SCAP: variants seen among roughly 807,000 people sequenced by gnomAD.
SCAP encodes sterol regulatory element-binding protein cleavage-activating protein.
SCAP carries 65 observed loss-of-function variants against 123.6 expected under a neutral mutation model. The ratio of observed to expected loss-of-function variants is 0.53; its 90% CI spans 0.43 to 0.65. The LOEUF is 0.65. Ranked by LOEUF, SCAP falls within the 30% of genes least tolerant of loss-of-function variation. The pLI, the probability that SCAP is intolerant of heterozygous loss-of-function variation, is 0.00. For missense variants in SCAP, 1,398 were observed against 1,712.5 expected (o/e 0.82, Z 3.24); for synonymous variants, 740 against 726.3 (o/e 1.02, Z -0.30).
intron 5 of SCAP, 84 bp from the exon 6 acceptor site, chr3:47,427,346 G>C: frequency 6.5e-7 from 1 of 1,538,266 alleles, no homozygotes; most frequent in Non-Finnish European, 9.0e-7. Flanking sequence ...CCCCCACCCT[G>C]GGAAACAAAG....
chr3:47,432,146 G>A (rs946720216), intron 3 of SCAP, among the ~76,000 whole-genome samples: 19 of 151,644 alleles, frequency 1.3e-4, no homozygotes, highest in Admixed American at 1.1e-3. Flanking sequence ...GTGAAACCCC[G>A]TCTCTACTAA....
intron 7 of SCAP, 66 bp from the exon 8 acceptor site, chr3:47,425,677 G>C: frequency 6.4e-7 from 1 of 1,566,640 alleles, no homozygotes; most frequent in African/African-American, 1.4e-5. Context: ...GGGGCTCCCG[G>C]GAGTAGGTTG....
At chr3:47,448,022 A>C (rs944104474) in intron 1 of SCAP, among the ~76,000 whole-genome samples, 11 of 151,462 alleles carry the variant, frequency 7.3e-5, no homozygotes, top group South Asian at 2.1e-4. Context: ...AAAAAAAAAA[A>C]AAAAAAAAAA....
Position 47,425,587 on chromosome 3 carries a change from T to C in SCAP, c.935A>G (p.Lys312Arg), listed in dbSNP as rs777514900. The C allele has an allele frequency of 6.2e-7, 1 of 1,614,080 alleles. No individual in the cohort carries two copies. Among genetic ancestry groups the C allele is most frequent in the Non-Finnish European group, 8.5e-7 (1 of 1,180,030 alleles). ...STRKIDMVKS[K>R]WGLALAAVVT... ...CACGGCAGCCAGGGCCAGCCCCCAC[T>C]TGGACTTGACCATGTCGATCTTCCC... is the stretch of plus-strand genomic sequence containing the variant. Residue 312 changes from lysine (K) to arginine (R), a missense_variant, in exon 8 of 23, where the codon AAG becomes AGG. This residue lies in a region of SCAP where 319 missense variants were observed against 432.4 expected (regional missense o/e 0.74). Transcript: ENST00000265565.
chr3:47,443,233 TAC>T lies in SCAP; in HGVS notation c.-98-144_-98-143del, dbSNP rs60723433. 354 of 104,784 alleles carry T rather than the reference TAC, an allele frequency of 3.4e-3. 3 individuals are homozygous for T. Among genetic ancestry groups the T allele is most frequent in the African/African-American group, 0.017 (303 of 17,786 alleles). The allele number at this position is 104,784 out of a possible 1,614,324, so 6.5% of individuals were successfully genotyped here. On this transcript the variant is annotated intron_variant, in intron 1 of 22. Coordinates refer to ENST00000265565, the MANE Select transcript of SCAP (RefSeq NM_012235.4). ...AGGTCTAGTGACCTCAATCCCAAAA[TAC>T]ACACACACACACACACACACACACA...
intron 3 of SCAP, 53 bp downstream of exon 3, chr3:47,434,955 C>A (rs1559552309): frequency 6.8e-6 from 11 of 1,612,448 alleles, no homozygotes; most frequent in Non-Finnish European, 9.3e-6. Flanking sequence ...CCTGCCTCAG[C>A]CAGTCTCCAC....
At chr3:47,465,495 G>A (rs148821230) in intron 1 of SCAP, among the ~76,000 whole-genome samples, 169 of 152,220 alleles carry the variant, frequency 1.1e-3, no homozygotes, top group African/African-American at 3.1e-3. Context: ...GGCCAGGCAC[G>A]GTGGCCCATG....
intron 1 of SCAP, among the ~76,000 whole-genome samples, chr3:47,467,980 T>G (rs1423291941): frequency 1.3e-5 from 2 of 151,954 alleles, no homozygotes; most frequent in African/African-American, 4.8e-5. Flanking sequence ...TTTGGTTTTC[T>G]GTCCTTGCGA....
At chr3:47,450,444 CA>C (rs1707195388) in intron 1 of SCAP, among the ~76,000 whole-genome samples, 1 of 121,952 alleles carries the variant, frequency 8.2e-6, no homozygotes, top group African/African-American at 2.8e-5. Context: ...AAAAAGTGCA[CA>C]AAAGGAGAAT....
rs142353403 is a variant in SCAP at position 47,427,320 on chromosome 3, A to G, written c.632-58T>C. Reference sequence around the variant, plus strand: ...AAATGACAGCTACTGCAGAGCCACCAAGGACCCCTTTCTCACCCCCACCCT... The same window carrying G: ...AAATGACAGCTACTGCAGAGCCACCGAGGACCCCTTTCTCACCCCCACCCT... On this transcript the variant is annotated intron_variant, in intron 5 of 22. Transcript: ENST00000265565. The G allele has an allele frequency of 2.0e-4, 314 of 1,544,964 alleles. 2 individuals carry two copies. The South Asian group carries it at 2.2e-3, about 11-fold the overall frequency.
In SCAP at chr3:47,419,445, T is replaced by A; in HGVS notation, c.1823A>T (p.His608Leu). 1.2e-6 allele frequency: 2 copies of A among 1,613,958 alleles called. No individual in the cohort carries two copies. Among genetic ancestry groups the A allele is most frequent in the Non-Finnish European group, 1.7e-6 (2 of 1,180,000 alleles). ...PERGGPAEVV[H>L]DSPVPEVTWG... ...GGTTACCTCTGGGACTGGGCTGTCA[T>A]GGACAACCTCTGCTGGACCTCCACG... Residue 608 changes from histidine (H) to leucine (L), a missense_variant, in exon 13 of 23, where the codon CAT becomes CTT. Physicochemically the swap from His to Leu is moderately conservative, Grantham distance 99. This residue lies in a region of SCAP where 828 missense variants were observed against 882.5 expected (regional missense o/e 0.94). Transcript: ENST00000265565. The surrounding 1 kb of genome is among the most constrained non-coding windows in gnomAD (Gnocchi z 5.0).
At chr3:47,457,831 C>T (rs1486588123) in intron 1 of SCAP, among the ~76,000 whole-genome samples, 1 of 151,926 alleles carries the variant, frequency 6.6e-6, no homozygotes, top group African/African-American at 2.4e-5. Flanking sequence ...GGCATGAACC[C>T]GGGAGGCGGA....
intron 2 of SCAP, among the ~76,000 whole-genome samples, chr3:47,436,900 T>C (rs1247581485): frequency 6.6e-6 from 1 of 152,204 alleles, no homozygotes; most frequent in African/African-American, 2.4e-5. Flanking sequence ...TGTTAGAATC[T>C]CTATCACCAT....
chr3:47,427,391 A>C lies in SCAP; in HGVS notation c.631+56T>G, dbSNP rs1291007003. 5 of 1,581,508 alleles carry C rather than the reference A, an allele frequency of 3.2e-6. No individual in the cohort carries two copies. The African/African-American group carries it at 6.7e-5, about 21-fold the overall frequency. On this transcript the variant is annotated intron_variant, in intron 5 of 22. Coordinates refer to ENST00000265565, the MANE Select transcript of SCAP (RefSeq NM_012235.4). Reference sequence around the variant, plus strand: ...TGATCTGCCTAAGCACACATCAAAAAGACGGTGACCAATGGGCACCTTTAC... The same window carrying C: ...TGATCTGCCTAAGCACACATCAAAACGACGGTGACCAATGGGCACCTTTAC...
Position 47,418,725 on chromosome 3 carries a change from C to G in SCAP, c.2059G>C (p.Ala687Pro). ...SAWPPPGPIP[A>P]GHWEAGPKGP... Reference sequence around the variant, plus strand: ...TTGGGTCCTGCTTCCCAGTGCCCAGCAGGTATGGGCCCCGGTGGGGGCCAG... The same window carrying G: ...TTGGGTCCTGCTTCCCAGTGCCCAGGAGGTATGGGCCCCGGTGGGGGCCAG... The change falls in exon 14 of 23, where the codon GCT (alanine) becomes CCT (proline). Residue 687 changes from alanine to proline, a missense_variant. Transcript: ENST00000265565. 6.2e-7 allele frequency: 1 copy of G among 1,607,176 alleles called. No individual in the cohort carries two copies. The highest frequency in any genetic ancestry group is 8.5e-7 in the Non-Finnish European group (1 of 1,177,788).
chr3:47,469,582 C>T (rs1707958254), intron 1 of SCAP, among the ~76,000 whole-genome samples: 1 of 152,188 alleles, frequency 6.6e-6, no homozygotes, highest in Admixed American at 6.5e-5. Flanking sequence ...TGGTCTTGAA[C>T]TTCTGACCTC....
At position 47,428,599 on chromosome 3, in the gene SCAP, G is replaced by T. The variant is rs1706238056; in HGVS notation, c.324C>A (p.Asn108Lys). 1.2e-6 allele frequency: 2 copies of T among 1,614,054 alleles called. No homozygotes were observed. Among genetic ancestry groups the T allele is most frequent in the Admixed American group, 1.7e-5 (1 of 60,004 alleles). ...VKSSVFPWHK[N>K]LLAVDVFRSP... is the part of the protein sequence containing the mutation. ...AACGAAATACATCTACTGCCAGGAG[G>T]TTCTTGTGCCAGGGAAACACTGAGG... Residue 108 changes from asparagine (N) to lysine (K), a missense_variant, in exon 4 of 23, where the codon AAC (asparagine) becomes AAA (lysine). This residue lies in a region of SCAP where 319 missense variants were observed against 432.4 expected (regional missense o/e 0.74). Coordinates refer to ENST00000265565, the MANE Select transcript of SCAP (RefSeq NM_012235.4).
intron 1 of SCAP, among the ~76,000 whole-genome samples, chr3:47,461,396 A>G (rs2107995028): frequency 6.6e-6 from 1 of 152,340 alleles, no homozygotes; most frequent in South Asian, 2.1e-4. Context: ...CTTTCCAGCT[A>G]ACAGGACAAC....
chr3:47,466,469 G>T (rs1349377691), intron 1 of SCAP, among the ~76,000 whole-genome samples: 1 of 151,990 alleles, frequency 6.6e-6, no homozygotes, highest in Admixed American at 6.6e-5. Context: ...AAAAGAAGAA[G>T]AAAAAAGAAC....
Sources: gnomAD v4.1 joint callset for allele counts (sites outside exome capture counted in the v4.1 genomes callset) on GRCh38, gnomAD v4.1.1 for gene constraint, gnomAD v4.1.1 regional missense constraint, Gnocchi (gnomAD v3.1) non-coding constraint, MANE v1.5 for transcripts, NCBI Gene and HGNC (gene_info 2026-07-23, HGNC 2026-07-21) for gene names.